Variants in TEX47 observed in about 807,000 individuals in gnomAD.
TEX47 encodes testis expressed 47.
A neutral mutation model predicts 18.0 loss-of-function variants in TEX47; 18 were observed. That is an observed-to-expected ratio of 1.00 (90% CI 0.69 to 1.48). The LOEUF (loss-of-function observed/expected upper bound fraction) is 1.48, where lower values mean the gene tolerates loss of function less well. Ranked by LOEUF, TEX47 falls within the 40% of genes most tolerant of loss-of-function variation. The pLI, the probability that TEX47 is intolerant of heterozygous loss-of-function variation, is 0.00. For missense variants in TEX47, 303 were observed against 300.2 expected (o/e 1.01, Z -0.07); for synonymous variants, 98 against 109.4 (o/e 0.90, Z 0.65).
chr7:88,794,146 C>T lies in TEX47; in HGVS notation c.*35G>A. On this transcript the variant is annotated 3_prime_UTR_variant, in exon 2 of 2. Transcript: ENST00000297203. The stretch of plus-strand genomic sequence containing the variant: ...TTTTTTTATTTAAGTAGCACAAACT[C>T]CTTAAGAGACATGGGCACATTATCC... The T allele has an allele frequency of 1.3e-6, 2 of 1,540,398 alleles. No individual in the cohort carries two copies. The highest frequency in any genetic ancestry group is 1.8e-6 in the Non-Finnish European group (2 of 1,141,432).
intron 1 of TEX47, among the ~76,000 whole-genome samples, chr7:88,795,349 CT>C (rs1203244237): frequency 6.7e-6 from 1 of 149,934 alleles, no homozygotes; most frequent in Non-Finnish European, 1.5e-5. Context: ...TGATCTATAA[CT>C]TTTAAAAAAA....
Position 88,794,357 on chromosome 7 carries a change from G to A in TEX47, c.586C>T (p.Pro196Ser), listed in dbSNP as rs760951078. 5 of 1,613,860 alleles carry A rather than the reference G, an allele frequency of 3.1e-6. No homozygotes were observed. In the East Asian group the frequency reaches 1.1e-4, roughly 36 times the overall value. ...GCAACTTGGTGTAAGTTATCGCCTG[G>A]TCCTTTAGTGCCTACTTTCATAGTC... ...CQTMKVGTKG[P>S]GDNLHQVAPD... The change falls in exon 2 of 2, where the codon CCA becomes TCA. Residue 196 changes from proline to serine, a missense_variant. Pro to Ser is a moderately conservative substitution (Grantham distance 74). Coordinates refer to ENST00000297203, the MANE Select transcript of TEX47 (RefSeq NM_152706.4).
At position 88,794,944 on chromosome 7, in the gene TEX47, A is replaced by T. The variant is rs779962904; in HGVS notation, c.-2T>A. ...CTGGTTATGGACCGAAAAGGACATGAGGAGTCTTATTTATTTTTCCAGATG... is the reference window on the plus strand; with the variant it reads ...CTGGTTATGGACCGAAAAGGACATGTGGAGTCTTATTTATTTTTCCAGATG... On this transcript the variant is annotated 5_prime_UTR_variant, in exon 2 of 2. Transcript: ENST00000297203. 3.8e-6 allele frequency: 6 copies of T among 1,559,054 alleles called. No homozygotes were observed. In the African/African-American group the frequency reaches 5.5e-5, roughly 14 times the overall value.
Position 88,794,741 on chromosome 7 carries a change from A to T in TEX47, c.202T>A (p.Tyr68Asn), listed in dbSNP as rs1790449539. 1 of 1,613,542 alleles carries T rather than the reference A, an allele frequency of 6.2e-7. No individual in the cohort carries two copies. The highest frequency in any genetic ancestry group is 1.7e-5 in the Admixed American group (1 of 59,934). Reference sequence around the variant, plus strand: ...ACTGACTGAAACATTTGTTCATAGTAGTCAGCAACATCTTTTCTTTCTACA... The same window carrying T: ...ACTGACTGAAACATTTGTTCATAGTTGTCAGCAACATCTTTTCTTTCTACA... ...ANVERKDVAD[Y>N]YEQMFQSVLK... The change falls in exon 2 of 2, where the codon TAC (tyrosine) becomes AAC (asparagine). Residue 68 changes from tyrosine (Y) to asparagine (N), a missense_variant. Transcript: ENST00000297203.
Position 88,794,954 on chromosome 7 carries a change from T to C in TEX47, c.-12A>G, listed in dbSNP as rs747070773. On this transcript the variant is annotated 5_prime_UTR_variant, in exon 2 of 2. Coordinates refer to ENST00000297203, the MANE Select transcript of TEX47 (RefSeq NM_152706.4). ...ACCGAAAAGGACATGAGGAGTCTTA[T>C]TTATTTTTCCAGATGATTCCAGCTT... 4 of 1,542,180 alleles carry C rather than the reference T, an allele frequency of 2.6e-6. No individual in the cohort carries two copies. Among genetic ancestry groups the C allele is most frequent in the East Asian group, 4.5e-5 (2 of 44,098 alleles).
Position 88,795,051 on chromosome 7 carries a change from CAAAA to C in TEX47, c.-104-9_-104-6del, listed in dbSNP as rs35996371. 1.1e-5 allele frequency: 8 copies of C among 741,530 alleles called. No individual in the cohort carries two copies. The African/African-American group carries it at 1.5e-4, about 13-fold the overall frequency. 45.9% of individuals were successfully genotyped at this position (741,530 alleles called of 1,614,324 possible). On this transcript the variant is annotated splice_region_variant and splice_polypyrimidine_tract_variant and intron_variant, in intron 1 of 1. Transcript: ENST00000297203. The stretch of plus-strand genomic sequence containing the variant: ...GAACTCGTGTTTTTATTTCTTCTGA[CAAAA>C]AAAAAAAGAGTAAATCACGGTTTGT...
chr7:88,794,119 G>A lies in TEX47; in HGVS notation c.*62C>T, dbSNP rs763839046. 1.1e-5 allele frequency: 15 copies of A among 1,366,592 alleles called. No homozygotes were observed. Among genetic ancestry groups the A allele is most frequent in the Non-Finnish European group, 1.4e-5 (14 of 1,013,932 alleles). 84.7% of individuals were successfully genotyped at this position (1,366,592 alleles called of 1,614,324 possible). A position where few individuals can be genotyped will look rare whatever the true frequency, so the allele number is the denominator to read the frequency against. On this transcript the variant is annotated 3_prime_UTR_variant, in exon 2 of 2. Coordinates refer to ENST00000297203, the MANE Select transcript of TEX47 (RefSeq NM_152706.4). ...AAAAGACACCAGTAACTTTAAAAAT[G>A]TTTTTTTTATTTAAGTAGCACAAAC... is the stretch of plus-strand genomic sequence containing the variant.
In TEX47 at chr7:88,794,930, C is replaced by A; in HGVS notation, c.13G>T (p.Val5Phe). Residue 5 changes from valine (V) to phenylalanine (F), a missense_variant, in exon 2 of 2, where the codon GTC becomes TTC. By Grantham distance (50) the Val-to-Phe change is conservative (BLOSUM62 -1). Transcript: ENST00000297203. Reference protein sequence around the residue: MSFSVHNQKGSKRPL... With the variant: MSFSFHNQKGSKRPL... ...CTTTTGCTGCCCTTCTGGTTATGGACCGAAAAGGACATGAGGAGTCTTATT... is the reference window on the plus strand; with the variant it reads ...CTTTTGCTGCCCTTCTGGTTATGGAACGAAAAGGACATGAGGAGTCTTATT... The A allele has an allele frequency of 6.3e-7, 1 of 1,587,328 alleles. No homozygotes were observed. Among genetic ancestry groups the A allele is most frequent in the South Asian group, 1.2e-5 (1 of 85,948 alleles).
In TEX47 at chr7:88,794,352, G is replaced by C; in HGVS notation, c.591C>G (p.Gly197=). 6.2e-7 allele frequency: 1 copy of C among 1,613,810 alleles called. No individual in the cohort carries two copies. Among genetic ancestry groups the C allele is most frequent in the South Asian group, 1.1e-5 (1 of 91,066 alleles). Residue 197 remains glycine, a synonymous_variant, in exon 2 of 2, where the codon GGC becomes GGG. Transcript: ENST00000297203. ...QTMKVGTKGP[G]DNLHQVAPDL... ...CAGGTGCAACTTGGTGTAAGTTATC[G>C]CCTGGTCCTTTAGTGCCTACTTTCA...
rs149269214 is a variant in TEX47 at position 88,794,878 on chromosome 7, A to G, written c.65T>C (p.Phe22Ser). 1,427 of 1,612,506 alleles carry G rather than the reference A, an allele frequency of 8.8e-4. 2 individuals are homozygous for G. Among genetic ancestry groups the G allele is most frequent in the Non-Finnish European group, 1.1e-3 (1,306 of 1,179,466 alleles). ...GTAATTGCTACGTGGGACTTGGAGA[A>G]AAAGAAGAGGTTCCAGTGGCAAAGG... ...KRPLPLEPLL[F>S]LQVPRSNYLH... The change falls in exon 2 of 2, where the codon TTT becomes TCT. Residue 22 changes from phenylalanine to serine, a missense_variant. Coordinates refer to ENST00000297203, the MANE Select transcript of TEX47 (RefSeq NM_152706.4).
Position 88,794,831 on chromosome 7 carries a change from G to T in TEX47, c.112C>A (p.Gln38Lys), listed in dbSNP as rs753133276. Residue 38 changes from glutamine (Q) to lysine (K), a missense_variant, in exon 2 of 2, where the codon CAA becomes AAA. Physicochemically the swap from Gln to Lys is moderately conservative, Grantham distance 53. Transcript: ENST00000297203. ...SNYLHFQEEK[Q>K]RLHLKKFLLD... ...AGGAATTTCTTTAGGTGTAGTCGTT[G>T]TTTCTCTTCTTGAAAGTGCAGGTAA... 5 of 1,613,736 alleles carry T rather than the reference G, an allele frequency of 3.1e-6. No individual in the cohort carries two copies. The highest frequency in any genetic ancestry group is 3.4e-6 in the Non-Finnish European group (4 of 1,179,784).
rs1790442140 is a variant in TEX47, at chr7:88,794,508, T to C, written c.435A>G (p.Gln145=). 2 of 1,613,798 alleles carry C rather than the reference T, an allele frequency of 1.2e-6. No individual in the cohort carries two copies. The highest frequency in any genetic ancestry group is 2.2e-5 in the South Asian group (2 of 91,078). ...GAACTTTTATCACTGAAACATGCCA[T>C]TGCATAAAAAGCCTCATTGGAATGT... ...SHNIPMRLFM[Q]WHVSVIKVPV... is the part of the protein sequence containing the mutation. The change falls in exon 2 of 2, where the codon CAA becomes CAG. Residue 145 remains glutamine (Q), a synonymous_variant. Transcript: ENST00000297203.
At position 88,794,683 on chromosome 7, in the gene TEX47, C is replaced by G. The variant is rs377125725; in HGVS notation, c.260G>C (p.Gly87Ala). The G allele has an allele frequency of 7.4e-6, 12 of 1,613,606 alleles. No individual in the cohort carries two copies. The highest frequency in any genetic ancestry group is 3.3e-5 in the South Asian group (3 of 91,058). ...GGAAGTGGGATAGATGAGCAGCAAT[C>G]CTGTCACTGCTTCTCCTAGGTGATG... ...LKHHLGEAVT[G>A]LLLIYPTSIL... The change falls in exon 2 of 2, where the codon GGA becomes GCA. Residue 87 changes from glycine (G) to alanine (A), a missense_variant. Transcript: ENST00000297203.
rs1291180047 is a variant in TEX47 at position 88,794,722 on chromosome 7, T to G, written c.221A>C (p.Gln74Pro). 1.2e-6 allele frequency: 2 copies of G among 1,613,634 alleles called. No homozygotes were observed. Among genetic ancestry groups the G allele is most frequent in the South Asian group, 2.2e-5 (2 of 91,038 alleles). ...TCCTAGGTGATGTTTCAAAACTGACTGAAACATTTGTTCATAGTAGTCAGC... is the reference window on the plus strand; with the variant it reads ...TCCTAGGTGATGTTTCAAAACTGACGGAAACATTTGTTCATAGTAGTCAGC... Reference protein sequence around the residue: ...DVADYYEQMFQSVLKHHLGEA... With the variant: ...DVADYYEQMFPSVLKHHLGEA... Residue 74 changes from glutamine (Q) to proline (P), a missense_variant, in exon 2 of 2, where the codon CAG (glutamine) becomes CCG (proline). Physicochemically the swap from Gln to Pro is moderately conservative, Grantham distance 76 (BLOSUM62 -1). Coordinates refer to ENST00000297203, the MANE Select transcript of TEX47 (RefSeq NM_152706.4).
At position 88,794,561 on chromosome 7, in the gene TEX47, G is replaced by A. The variant is rs1212255745; in HGVS notation, c.382C>T (p.Gln128Ter). 7.4e-6 allele frequency: 12 copies of A among 1,613,352 alleles called. No homozygotes were observed. The highest frequency in any genetic ancestry group is 1.0e-5 in the Non-Finnish European group (12 of 1,179,656). Reference protein sequence around the residue: ...VKDETVFFIQQMKIIVISHNI... With the variant: ...VKDETVFFIQ ...TGAGAAATGACTATAATTTTCATTT[G>A]TTGAATAAAAAATACTGTTTCATCT... The change falls in exon 2 of 2, where the codon CAA becomes TAA. Residue 128 changes from glutamine to a stop codon, truncating the protein, a stop_gained. Transcript: ENST00000297203. LOFTEE classifies it high-confidence loss of function.
chr7:88,794,880 A>G lies in TEX47; in HGVS notation c.63T>C (p.Leu21=), dbSNP rs770719029. The G allele has an allele frequency of 6.2e-7, 1 of 1,612,374 alleles. No homozygotes were observed. The highest frequency in any genetic ancestry group is 8.5e-7 in the Non-Finnish European group (1 of 1,179,436). Residue 21 remains leucine (L), a synonymous_variant, in exon 2 of 2, where the codon CTT becomes CTC. Transcript: ENST00000297203. ...AATTGCTACGTGGGACTTGGAGAAA[A>G]AGAAGAGGTTCCAGTGGCAAAGGCC... ...SKRPLPLEPL[L]FLQVPRSNYL... is the part of the protein sequence containing the mutation.
At position 88,794,248 on chromosome 7, in the gene TEX47, A is replaced by T. The variant is rs1790434919; in HGVS notation, c.695T>A (p.Met232Lys). 2 of 1,613,562 alleles carry T rather than the reference A, an allele frequency of 1.2e-6. No individual in the cohort carries two copies. The highest frequency in any genetic ancestry group is 1.7e-6 in the Non-Finnish European group (2 of 1,179,808). The change falls in exon 2 of 2, where the codon ATG becomes AAG. Residue 232 changes from methionine to lysine, a missense_variant. Met to Lys is a moderately conservative substitution (Grantham distance 95). Coordinates refer to ENST00000297203, the MANE Select transcript of TEX47 (RefSeq NM_152706.4). ...AGTGATGTGTATGGGTCTATTATAC[A>T]TGTTTATAAATGTTGCCGGGTCCAT... is the stretch of plus-strand genomic sequence containing the variant. ...EFMDPATFIN[M>K]YNRPIHITLD...
rs1562795419 is a variant in TEX47 at position 88,794,662 on chromosome 7, G to A, written c.281C>T (p.Thr94Ile). 1 of 1,613,824 alleles carries A rather than the reference G, an allele frequency of 6.2e-7. No individual in the cohort carries two copies. The highest frequency in any genetic ancestry group is 1.7e-5 in the Admixed American group (1 of 59,952). Residue 94 changes from threonine to isoleucine, a missense_variant, in exon 2 of 2, where the codon ACT (threonine) becomes ATT (isoleucine). Transcript: ENST00000297203. The stretch of plus-strand genomic sequence containing the variant: ...GGACTCGAGGATATGCAGAATGGAA[G>A]TGGGATAGATGAGCAGCAATCCTGT... ...AVTGLLLIYP[T>I]SILHILESSS...
chr7:88,794,212 T>A lies in TEX47; in HGVS notation c.731A>T (p.Glu244Val). ...ACGTGAAGGAGCAGGCCATACCACCTCAGAATCCAGAGTGATGTGTATGGG... is the reference window on the plus strand; with the variant it reads ...ACGTGAAGGAGCAGGCCATACCACCACAGAATCCAGAGTGATGTGTATGGG... ...NRPIHITLDS[E>V]VVWPAPSRF The change falls in exon 2 of 2, where the codon GAG becomes GTG. Residue 244 changes from glutamate to valine, a missense_variant. By Grantham distance (121) the Glu-to-Val change is moderately radical. Coordinates refer to ENST00000297203, the MANE Select transcript of TEX47 (RefSeq NM_152706.4). 6.2e-7 allele frequency: 1 copy of A among 1,612,504 alleles called. No individual in the cohort carries two copies. Among genetic ancestry groups the A allele is most frequent in the Non-Finnish European group, 8.5e-7 (1 of 1,179,114 alleles).
Sources: allele counts gnomAD v4.1 joint callset (sites outside exome capture counted in the v4.1 genomes callset), GRCh38; gene constraint gnomAD v4.1.1; transcripts MANE v1.5; gene names NCBI Gene and HGNC (gene_info 2026-07-23, HGNC 2026-07-21).